NBEA: variants seen among roughly 807,000 people sequenced by gnomAD.
NBEA encodes the protein lysosomal-trafficking regulator 2.
NBEA carries 44 observed loss-of-function variants against 343.4 expected under a neutral mutation model. The ratio of observed to expected loss-of-function variants is 0.13; its 90% confidence interval spans 0.10 to 0.16. NBEA has a LOEUF of 0.16. Ranked by LOEUF, NBEA falls within the 10% of genes least tolerant of loss-of-function variation. The pLI is 1.00. For missense variants in NBEA, 2,555 were observed against 3,631.3 expected, an observed-to-expected ratio of 0.70 and a Z score of 7.62; for synonymous variants, 1,175 against 1,238.7, an observed-to-expected ratio of 0.95 and a Z score of 1.08.
At chr13:35,118,114 T>C (rs553082356) in intron 14 of NBEA, 114 bp from the exon 15 acceptor site, 1 of 601,422 alleles carries the variant, frequency 1.7e-6, no homozygotes, top group East Asian at 3.1e-5. Context: ...TTAATTAAAA[T>C]ATCACTACAT....
intron 41 of NBEA, chr13:35,475,854 G>C: frequency 6.2e-7 from 1 of 1,614,006 alleles, no homozygotes; most frequent in Non-Finnish European, 8.5e-7. Flanking sequence ...CCGCGCAGCC[G>C]GGCAGTGAGC....
chr13:35,077,351 C>G (rs954845020), intron 10 of NBEA, among the ~76,000 whole-genome samples: 1 of 151,992 alleles, frequency 6.6e-6, no homozygotes, highest in Admixed American at 6.6e-5. Flanking sequence ...AATAAAAATT[C>G]ATAAACTTCT....
At chr13:35,453,664 C>T (rs1457975901) in intron 40 of NBEA, among the ~76,000 whole-genome samples, 2 of 152,064 alleles carry the variant, frequency 1.3e-5, no homozygotes, top group Non-Finnish European at 2.9e-5. Context: ...AATAATTGTA[C>T]AGTTCAAATT....
chr13:35,060,530 A>G (rs1020577351), intron 8 of NBEA, among the ~76,000 whole-genome samples: 1 of 151,812 alleles, frequency 6.6e-6, no homozygotes, highest in African/African-American at 2.4e-5. Flanking sequence ...ATATACTTGT[A>G]AATTTGGGCA....
At chr13:34,974,953 T>C (rs982077612) in intron 1 of NBEA, among the ~76,000 whole-genome samples, 10 of 152,148 alleles carry the variant, frequency 6.6e-5, no homozygotes, top group African/African-American at 2.2e-4. Context: ...AACACTAGTT[T>C]TCACAATTTT....
intron 41 of NBEA, among the ~76,000 whole-genome samples, chr13:35,547,308 A>T (rs2079108733): frequency 6.6e-6 from 1 of 152,118 alleles, no homozygotes; most frequent in Non-Finnish European, 1.5e-5. Context: ...TAGCAAAATC[A>T]TTTTCTTTTA....
At chr13:35,597,465 A>C (rs1029915036) in intron 47 of NBEA, among the ~76,000 whole-genome samples, 1 of 152,198 alleles carries the variant, frequency 6.6e-6, no homozygotes, top group African/African-American at 2.4e-5. Flanking sequence ...TTAAGCATGC[A>C]ATCTAGTGTC....
intron 7 of NBEA, 98 bp from the exon 8 acceptor site, chr13:35,058,619 A>G: frequency 3.3e-6 from 3 of 897,764 alleles, no homozygotes; most frequent in Non-Finnish European, 5.1e-6. Context: ...TATTATTGTT[A>G]TATTTTAAAA....
intron 34 of NBEA, chr13:35,251,191 G>T: frequency 4.0e-6 from 1 of 252,682 alleles, no homozygotes; most frequent in South Asian, 6.0e-5. Context: ...TAGGGGAGGG[G>T]ACTCACTTTC....
chr13:35,335,269 T>C (rs953593610), intron 36 of NBEA, among the ~76,000 whole-genome samples: 11 of 152,214 alleles, frequency 7.2e-5, no homozygotes, highest in Non-Finnish European at 1.2e-4. Flanking sequence ...TGAAGTCAAG[T>C]AATGAGATTT....
At chr13:35,643,562 A>G (rs1004491711) in intron 49 of NBEA, among the ~76,000 whole-genome samples, 2 of 152,204 alleles carry the variant, frequency 1.3e-5, no homozygotes, top group African/African-American at 4.8e-5. Context: ...AATCTCTGTT[A>G]AGACTAAGTC....
chr13:35,408,496 A>T (rs2043399722), intron 38 of NBEA, among the ~76,000 whole-genome samples: 1 of 152,174 alleles, frequency 6.6e-6, no homozygotes, highest in Non-Finnish European at 1.5e-5. Flanking sequence ...CAACAAAAGC[A>T]AATATTGACA....
At chr13:35,651,730 A>T (rs1316448658) in intron 52 of NBEA, 75 bp from the exon 53 acceptor site, 1 of 862,068 alleles carries the variant, frequency 1.2e-6, no homozygotes, top group Non-Finnish European at 1.9e-6. Flanking sequence ...AAATCATCAT[A>T]AAACACTACC....
chr13:35,340,928 G>A (rs2039552141), intron 36 of NBEA, among the ~76,000 whole-genome samples: 1 of 151,812 alleles, frequency 6.6e-6, no homozygotes, highest in Non-Finnish European at 1.5e-5. Context: ...AAGAGACATA[G>A]GATAACCAAA....
intron 4 of NBEA, 142 bp downstream of exon 4, chr13:35,045,543 A>G (rs1412695390): frequency 1.6e-6 from 1 of 616,822 alleles, no homozygotes; most frequent in Non-Finnish European, 2.7e-6. Flanking sequence ...ACTACTATAT[A>G]ATGATTTGAA....
chr13:35,026,437 T>C (rs1044307227), intron 1 of NBEA, among the ~76,000 whole-genome samples: 1 of 151,234 alleles, frequency 6.6e-6, no homozygotes, highest in Non-Finnish European at 1.5e-5. Context: ...TTATGTTTTA[T>C]ATCTCAGTTT....
intron 4 of NBEA, 113 bp downstream of exon 4, chr13:35,045,514 G>C: frequency 1.3e-6 from 1 of 794,154 alleles, no homozygotes; most frequent in Non-Finnish European, 1.9e-6. Context: ...AACTTGATGA[G>C]TTTGGAAGTC....
chr13:35,332,338 A>T (rs1258550964), intron 36 of NBEA, among the ~76,000 whole-genome samples: 1 of 152,082 alleles, frequency 6.6e-6, no homozygotes, highest in African/African-American at 2.4e-5. Context: ...AAGAAATGGC[A>T]TATATAAAGG....
At chr13:35,033,196 G>A (rs1376504422) in intron 1 of NBEA, among the ~76,000 whole-genome samples, 2 of 151,784 alleles carry the variant, frequency 1.3e-5, no homozygotes, top group African/African-American at 4.8e-5. Context: ...ATGAGAGATA[G>A]GGGTTTAGTT....
Sources: gnomAD v4.1 joint callset for allele counts (sites outside exome capture counted in the v4.1 genomes callset) on GRCh38, gnomAD v4.1.1 for gene constraint, MANE v1.5 for transcripts, NCBI Gene and HGNC (gene_info 2026-07-23, HGNC 2026-07-21) for gene names.